Variants in FHIT observed in about 807,000 individuals in gnomAD.
FHIT encodes the protein bis(5'-adenosyl)-triphosphatase.
In FHIT, 19 loss-of-function variants were observed where a neutral mutation model predicts 17.9. The observed-to-expected ratio is 1.06, with a 90% confidence interval of 0.74 to 1.56. FHIT has a LOEUF of 1.56. Among genes scored for constraint, FHIT ranks in the 40% most tolerant of loss-of-function variants. The pLI, the probability that FHIT is intolerant of heterozygous loss-of-function variation, is 0.00. For synonymous variants in FHIT, 81 were observed against 69.7 expected (o/e 1.16, Z -0.81); for missense variants, 248 against 189.2 (o/e 1.31, Z -1.82).
chr3:60,439,823 G>A (rs1576655867), intron 5 of FHIT, among the ~76,000 whole-genome samples: 1 of 152,116 alleles, frequency 6.6e-6, no homozygotes, highest in East Asian at 1.9e-4. Context: ...AACAAAAGAT[G>A]CAAGTGTCTT....
intron 4 of FHIT, among the ~76,000 whole-genome samples, chr3:60,712,288 G>T (rs1275195129): frequency 8.5e-5 from 13 of 152,252 alleles, no homozygotes; most frequent in African/African-American, 3.1e-4. Flanking sequence ...ACTGAACATG[G>T]AAAGGAACAA....
chr3:60,399,154 T>G (rs775914030), intron 5 of FHIT, among the ~76,000 whole-genome samples: 1 of 152,200 alleles, frequency 6.6e-6, no homozygotes, highest in Non-Finnish European at 1.5e-5. Flanking sequence ...AAAGTACATC[T>G]GAAGGTATTT....
chr3:60,047,926 A>G (rs958383334), intron 5 of FHIT, among the ~76,000 whole-genome samples: 7 of 152,198 alleles, frequency 4.6e-5, no homozygotes, highest in African/African-American at 1.7e-4. Flanking sequence ...TGGGGTTGCC[A>G]TAACCGTGAG....
At chr3:59,821,450 G>A (rs1700784734) in intron 8 of FHIT, among the ~76,000 whole-genome samples, 1 of 152,202 alleles carries the variant, frequency 6.6e-6, no homozygotes, top group African/African-American at 2.4e-5. Context: ...GGAGACAGCT[G>A]CAGTTTTGCC....
intron 5 of FHIT, among the ~76,000 whole-genome samples, chr3:60,171,964 A>G (rs1330600729): frequency 6.6e-6 from 1 of 152,150 alleles, no homozygotes; most frequent in East Asian, 1.9e-4. Flanking sequence ...AGATCATTAA[A>G]CATTTATTAA....
intron 5 of FHIT, among the ~76,000 whole-genome samples, chr3:60,302,734 G>A: frequency 6.6e-6 from 1 of 152,054 alleles, no homozygotes; most frequent in Non-Finnish European, 1.5e-5. Flanking sequence ...AATATTCTGA[G>A]GCTGAGCTCC....
chr3:60,302,309 T>C (rs1332198906), intron 5 of FHIT, among the ~76,000 whole-genome samples: 5 of 152,196 alleles, frequency 3.3e-5, no homozygotes, highest in South Asian at 2.1e-4. Context: ...CCTTCTCCCT[T>C]TCTCTCCTCC....
chr3:61,168,586 C>T (rs556342165), intron 2 of FHIT, among the ~76,000 whole-genome samples: 17 of 152,166 alleles, frequency 1.1e-4, no homozygotes, highest in Non-Finnish European at 2.2e-4. Flanking sequence ...GCTGTGTTCC[C>T]ACCAGCACTC....
At chr3:60,561,940 G>T (rs1360838839) in intron 4 of FHIT, among the ~76,000 whole-genome samples, 4 of 146,080 alleles carry the variant, frequency 2.7e-5, no homozygotes, top group African/African-American at 1.0e-4. Flanking sequence ...AAAAGAGAAA[G>T]AGAGAAACAG....
chr3:60,447,716 G>C (rs903059614), intron 5 of FHIT, among the ~76,000 whole-genome samples: 1 of 152,126 alleles, frequency 6.6e-6, no homozygotes, highest in Non-Finnish European at 1.5e-5. Context: ...GCAAGATGGA[G>C]AATGTTGCTG....
At chr3:60,543,423 G>T (rs2036250031) in intron 4 of FHIT, among the ~76,000 whole-genome samples, 1 of 152,162 alleles carries the variant, frequency 6.6e-6, no homozygotes, top group East Asian at 1.9e-4. Context: ...TGTAAGATGG[G>T]TGAGGGGAAT....
chr3:59,996,854 G>A (rs1421152138), intron 7 of FHIT, among the ~76,000 whole-genome samples: 1 of 152,100 alleles, frequency 6.6e-6, no homozygotes, highest in African/African-American at 2.4e-5. Context: ...CCTGAGGATA[G>A]TGAAATGACA....
intron 5 of FHIT, among the ~76,000 whole-genome samples, chr3:60,158,316 TTC>T (rs1050973140): frequency 1.3e-5 from 2 of 152,002 alleles, no homozygotes; most frequent in South Asian, 4.2e-4. Context: ...ATTTCATAAT[TTC>T]TCTCTCTTTT....
intron 5 of FHIT, among the ~76,000 whole-genome samples, chr3:60,413,804 C>A (rs1358599201): frequency 1.3e-5 from 2 of 152,160 alleles, no homozygotes; most frequent in African/African-American, 4.8e-5. Context: ...AGAAACATAA[C>A]CTCAGTCACT....
At chr3:60,088,075 C>A (rs1453916526) in intron 5 of FHIT, among the ~76,000 whole-genome samples, 2 of 152,136 alleles carry the variant, frequency 1.3e-5, no homozygotes, top group Non-Finnish European at 2.9e-5. Flanking sequence ...TGAAAGGGAG[C>A]TTATGAGCTT....
chr3:61,049,345 T>G (rs1191327019), intron 2 of FHIT, among the ~76,000 whole-genome samples: 1 of 151,662 alleles, frequency 6.6e-6, no homozygotes, highest in Non-Finnish European at 1.5e-5. Context: ...AACCAAATGG[T>G]TGATAAGAAA....
intron 5 of FHIT, among the ~76,000 whole-genome samples, chr3:60,312,312 A>T (rs193007715): frequency 0.012 from 1,841 of 152,072 alleles, 38 homozygotes; most frequent in African/African-American, 0.041. Flanking sequence ...ATTTTTTTTA[A>T]AAATTTTTTT....
At chr3:60,864,459 C>A (rs1704072831) in intron 3 of FHIT, among the ~76,000 whole-genome samples, 1 of 152,056 alleles carries the variant, frequency 6.6e-6, no homozygotes. Context: ...GTGAGGAGGC[C>A]TCACAGAAGG....
chr3:61,173,944 G>A (rs2038084705), intron 2 of FHIT, among the ~76,000 whole-genome samples: 1 of 152,176 alleles, frequency 6.6e-6, no homozygotes, highest in East Asian at 1.9e-4. Flanking sequence ...TTGAATGTGA[G>A]ATTACTTTAT....
Sources: gnomAD v4.1 joint callset for allele counts (sites outside exome capture counted in the v4.1 genomes callset) on GRCh38, gnomAD v4.1.1 for gene constraint, MANE v1.5 for transcripts, NCBI Gene and HGNC (gene_info 2026-07-23, HGNC 2026-07-21) for gene names.